TRDN: variants seen among roughly 807,000 people sequenced by gnomAD.
TRDN encodes triadin in skeletal muscle.
In TRDN, 161 loss-of-function variants were observed where a neutral mutation model predicts 149.7. The observed-to-expected ratio is 1.08, with a 90% confidence interval of 0.95 to 1.23. The LOEUF (loss-of-function observed/expected upper bound fraction) is 1.23. Ranked by LOEUF, TRDN falls within the 50% of genes most tolerant of loss-of-function variation. The probability of loss-of-function intolerance (pLI) is 0.00; values close to 1 mark genes in which losing one functional copy is unlikely to be tolerated. For synonymous variants in TRDN, 294 were observed against 250.5 expected (o/e 1.17, Z -1.64); for missense variants, 896 against 823.5 (o/e 1.09, Z -1.08).
At chr6:123,272,581 T>A (rs1269388648) in intron 29 of TRDN, among the ~76,000 whole-genome samples, 1 of 151,946 alleles carries the variant, frequency 6.6e-6, no homozygotes, top group Non-Finnish European at 1.5e-5. Flanking sequence ...TTCTTCAGCA[T>A]TTTTGGGACT....
At chr6:123,374,176 A>C (rs1167486563) in intron 19 of TRDN, among the ~76,000 whole-genome samples, 4 of 152,274 alleles carry the variant, frequency 2.6e-5, no homozygotes, top group South Asian at 2.1e-4. Context: ...TGGCAAGCTA[A>C]TTTGCTAATT....
chr6:123,352,586 G>A lies in TRDN; in HGVS notation c.1322C>T (p.Ala441Val). Residue 441 changes from alanine (A) to valine (V), a missense_variant and splice_region_variant, in exon 21 of 41, where the codon GCT becomes GTT. Coordinates refer to ENST00000334268, the MANE Select transcript of TRDN (RefSeq NM_006073.4). ...EEIGAVSIKK[A>V]VPGKKEEKTT... is the part of the protein sequence containing the mutation. Reference sequence around the variant, plus strand: ...TTTCTCTTCCTTCTTTCCAGGTACAGCTGCAAAACAAAGATAAGGTTTAAA... The same window carrying A: ...TTTCTCTTCCTTCTTTCCAGGTACAACTGCAAAACAAAGATAAGGTTTAAA... 1 of 1,609,090 alleles carries A rather than the reference G, an allele frequency of 6.2e-7. No homozygotes were observed. Among genetic ancestry groups the A allele is most frequent in the Non-Finnish European group, 8.5e-7 (1 of 1,177,430 alleles).
chr6:123,436,390 G>A (rs1019078477), intron 12 of TRDN, among the ~76,000 whole-genome samples: 2 of 152,046 alleles, frequency 1.3e-5, no homozygotes, highest in Non-Finnish European at 2.9e-5. Context: ...AAAGGAATGG[G>A]CAATCAACTC....
chr6:123,515,809 A>G (rs1225780908), intron 6 of TRDN, among the ~76,000 whole-genome samples: 1 of 152,170 alleles, frequency 6.6e-6, no homozygotes, highest in Admixed American at 6.6e-5. Flanking sequence ...TATGCAAGTT[A>G]TAATAATGAG....
intron 21 of TRDN, among the ~76,000 whole-genome samples, chr6:123,346,308 C>G (rs1180030845): frequency 1.3e-5 from 2 of 151,906 alleles, no homozygotes; most frequent in African/African-American, 4.8e-5. Context: ...TCTTCTTTAG[C>G]CTGTTGATGT....
chr6:123,325,138 T>A (rs1389941559), intron 23 of TRDN, among the ~76,000 whole-genome samples: 1 of 152,130 alleles, frequency 6.6e-6, no homozygotes, highest in African/African-American at 2.4e-5. Flanking sequence ...TTTGCTAATA[T>A]ATTCCAATAT....
chr6:123,242,065 A>G (rs1482463844), intron 38 of TRDN, among the ~76,000 whole-genome samples: 1 of 152,206 alleles, frequency 6.6e-6, no homozygotes, highest in East Asian at 1.9e-4. Flanking sequence ...TGATATACCA[A>G]CATCCATTGG....
chr6:123,449,287 G>A, intron 10 of TRDN, among the ~76,000 whole-genome samples: 1 of 152,158 alleles, frequency 6.6e-6, no homozygotes, highest in East Asian at 1.9e-4. Context: ...AGGCACCAGA[G>A]AAAGGTGAAG....
intron 12 of TRDN, among the ~76,000 whole-genome samples, chr6:123,406,452 A>G (rs1010014963): frequency 3.9e-5 from 6 of 152,124 alleles, no homozygotes; most frequent in African/African-American, 9.7e-5. Context: ...CATGTTGTCA[A>G]TATAACAAGA....
chr6:123,358,763 G>A (rs943229151), intron 20 of TRDN, among the ~76,000 whole-genome samples: 2 of 152,104 alleles, frequency 1.3e-5, no homozygotes, highest in East Asian at 1.9e-4. Flanking sequence ...GATTACAGGC[G>A]TGAGCCACCG....
intron 38 of TRDN, among the ~76,000 whole-genome samples, chr6:123,243,448 A>G (rs1376048998): frequency 6.6e-6 from 1 of 152,204 alleles, no homozygotes; most frequent in African/African-American, 2.4e-5. Flanking sequence ...GAAAATCACA[A>G]AATCCCACAA....
At chr6:123,529,268 C>A (rs529764423) in intron 5 of TRDN, 3 of 1,548,932 alleles carry the variant, frequency 1.9e-6, no homozygotes, top group Admixed American at 3.9e-5. Context: ...CTTAGTCAAT[C>A]CGTACTCAAG....
At chr6:123,456,479 CT>C (rs150717759) in intron 10 of TRDN, among the ~76,000 whole-genome samples, 19,665 of 147,710 alleles carry the variant, frequency 0.13, 1,734 homozygotes, top group South Asian at 0.28. Flanking sequence ...TTTTTTTTTT[CT>C]TTTTTTGAGA....
intron 12 of TRDN, among the ~76,000 whole-genome samples, chr6:123,413,222 G>T (rs1273452014): frequency 6.6e-6 from 1 of 152,104 alleles, no homozygotes; most frequent in African/African-American, 2.4e-5. Flanking sequence ...CCAGTGTTGG[G>T]GCAACAGTAG....
chr6:123,308,580 G>A (rs1442833881), intron 24 of TRDN, among the ~76,000 whole-genome samples: 2 of 151,898 alleles, frequency 1.3e-5, no homozygotes, highest in Non-Finnish European at 2.9e-5. Flanking sequence ...CCCAGCCTGA[G>A]GATTCAAAGT....
chr6:123,495,210 T>C (rs1410954432), intron 9 of TRDN, among the ~76,000 whole-genome samples: 1 of 151,962 alleles, frequency 6.6e-6, no homozygotes, highest in African/African-American at 2.4e-5. Context: ...CATACCGCCA[T>C]GCCCAGATAA....
At chr6:123,541,628 T>C (rs1780840225) in intron 4 of TRDN, among the ~76,000 whole-genome samples, 2 of 152,170 alleles carry the variant, frequency 1.3e-5, no homozygotes, top group Non-Finnish European at 2.9e-5. Context: ...GAGAGCGATA[T>C]GCGATGGTGC....
At chr6:123,439,045 T>A in intron 10 of TRDN, 42 bp from the exon 11 acceptor site, 1 of 1,485,208 alleles carries the variant, frequency 6.7e-7, no homozygotes, top group Non-Finnish European at 9.1e-7. Context: ...GGAAATTTAG[T>A]ATGAAAGCAA....
rs1488323826 is a variant in TRDN at position 123,548,038 on chromosome 6, GACA to G, written c.391+413_391+415del. ...CTTTCTGCTATTTGACTATAAATAT[GACA>G]TATGTGTATAAAACACTTATATGTA... On this transcript the variant is annotated intron_variant, in intron 3 of 40. Coordinates refer to ENST00000334268, the MANE Select transcript of TRDN (RefSeq NM_006073.4). Among the ~76,000 whole-genome samples, 11 of 152,074 alleles carry G rather than the reference GACA, an allele frequency of 7.2e-5. No individual in the cohort carries two copies. The East Asian group carries it at 9.7e-4, about 13-fold the overall frequency.
Sources: gnomAD v4.1 joint callset for allele counts (sites outside exome capture counted in the v4.1 genomes callset) on GRCh38, gnomAD v4.1.1 for gene constraint, MANE v1.5 for transcripts, NCBI Gene and HGNC (gene_info 2026-07-23, HGNC 2026-07-21) for gene names.